Variants in F13A1 observed in about 807,000 individuals in gnomAD.
The protein encoded by F13A1 is coagulation factor XIII A chain, also known as FSF, A subunit.
F13A1 carries 47 observed loss-of-function variants against 80.1 expected under a neutral mutation model. That is an observed-to-expected ratio of 0.59 (90% confidence interval 0.46 to 0.75). The LOEUF is 0.75. Ranked by LOEUF, F13A1 falls within the 30% of genes least tolerant of loss-of-function variation. The pLI, the probability that F13A1 is intolerant of heterozygous loss-of-function variation, is 0.00. For synonymous variants in F13A1, 349 were observed against 344.9 expected, an observed-to-expected ratio of 1.01 and a Z score of -0.13; for missense variants, 817 against 930.4, an observed-to-expected ratio of 0.88 and a Z score of 1.59.
rs1757619617 is a variant in F13A1, at chr6:6,250,732, T to C, written c.690+79A>G. 11 of 924,830 alleles carry C rather than the reference T, an allele frequency of 1.2e-5. No homozygotes were observed. Among genetic ancestry groups the C allele is most frequent in the Non-Finnish European group, 1.6e-5 (9 of 558,666 alleles). The allele number at this position is 924,830 out of a possible 1,614,324, so 57.3% of individuals were successfully genotyped here. A position where few individuals can be genotyped will look rare whatever the true frequency, so the allele number is the denominator to read the frequency against. On this transcript the variant is annotated intron_variant, in intron 5 of 14. Transcript: ENST00000264870. The surrounding 1 kb of genome is among the most constrained non-coding windows in gnomAD (Gnocchi z 4.2). ...ATTGTGCTTGTCTAATATCGATATA[T>C]GGGATCCTGTAGGGATACATGTGAC...
intron 4 of F13A1, among the ~76,000 whole-genome samples, chr6:6,257,721 A>G (rs886474454): frequency 5.9e-5 from 9 of 152,220 alleles, no homozygotes; most frequent in Non-Finnish European, 5.9e-5. Context: ...CGTGCATAGT[A>G]CAACATAGTT....
chr6:6,214,186 A>G (rs1379758257), intron 8 of F13A1, among the ~76,000 whole-genome samples: 216 of 143,892 alleles, frequency 1.5e-3, no homozygotes, highest in Non-Finnish European at 1.6e-3. Context: ...GACCTAATAG[A>G]CATCTACAGA....
intron 3 of F13A1, among the ~76,000 whole-genome samples, chr6:6,267,533 T>G (rs1316723911): frequency 6.6e-6 from 1 of 152,208 alleles, no homozygotes; most frequent in Admixed American, 6.5e-5. Flanking sequence ...GGCTTTGTTT[T>G]TCTCTGGAAC....
intron 13 of F13A1, among the ~76,000 whole-genome samples, chr6:6,165,835 C>T (rs553981709): frequency 4.5e-4 from 69 of 152,392 alleles, no homozygotes; most frequent in Non-Finnish European, 8.1e-4. Flanking sequence ...CAACCCTGCA[C>T]AGCCTCGTTT....
intron 12 of F13A1, among the ~76,000 whole-genome samples, chr6:6,171,451 C>T (rs994912709): frequency 2.0e-5 from 3 of 152,218 alleles, no homozygotes; most frequent in Admixed American, 6.5e-5. Context: ...CCTTCTCTCA[C>T]ACCACATATC....
chr6:6,211,609 C>T, intron 8 of F13A1, among the ~76,000 whole-genome samples: 1 of 152,142 alleles, frequency 6.6e-6, no homozygotes, highest in East Asian at 1.9e-4. Flanking sequence ...TATAAAAGTC[C>T]AACTAGATGA....
chr6:6,231,820 C>A (rs990713499), intron 6 of F13A1, among the ~76,000 whole-genome samples: 5 of 152,058 alleles, frequency 3.3e-5, no homozygotes, highest in Non-Finnish European at 1.5e-5. Flanking sequence ...TTGTATCCAG[C>A]GAAACTAAGC....
intron 6 of F13A1, among the ~76,000 whole-genome samples, chr6:6,248,022 A>G (rs1019464139): frequency 1.3e-5 from 2 of 152,232 alleles, no homozygotes; most frequent in Non-Finnish European, 2.9e-5. Flanking sequence ...ATCACTCCTC[A>G]GTCTCTAGGC....
intron 13 of F13A1, among the ~76,000 whole-genome samples, chr6:6,155,274 T>C (rs35243303): frequency 0.2 from 30,782 of 152,158 alleles, 3,261 homozygotes; most frequent in Middle Eastern, 0.28. Flanking sequence ...GCCCATGCAA[T>C]TGGGCCATCA....
intron 1 of F13A1, 28 bp from the exon 2 acceptor site, chr6:6,318,710 A>G: frequency 5.6e-6 from 9 of 1,594,404 alleles, no homozygotes; most frequent in Non-Finnish European, 7.7e-6. Context: ...AAAGAAGACA[A>G]CAGAAAAGGC....
intron 8 of F13A1, among the ~76,000 whole-genome samples, chr6:6,217,509 A>T (rs943078372): frequency 9.5e-5 from 12 of 125,944 alleles, no homozygotes; most frequent in African/African-American, 3.6e-4. Context: ...AGGGGAACAT[A>T]ACACTCTGCG....
chr6:6,212,648 C>G (rs1761639367), intron 8 of F13A1, among the ~76,000 whole-genome samples: 2 of 152,202 alleles, frequency 1.3e-5, no homozygotes, highest in Non-Finnish European at 2.9e-5. Context: ...GAATGCAGTT[C>G]CTCACCAGCA....
At chr6:6,220,572 TGTG>T (rs1757178413) in intron 8 of F13A1, among the ~76,000 whole-genome samples, 2 of 150,932 alleles carry the variant, frequency 1.3e-5, no homozygotes, top group African/African-American at 4.9e-5. Context: ...TCTGTCTGTG[TGTG>T]TGTGTGTGTG....
At chr6:6,312,594 C>T (rs866431138) in intron 2 of F13A1, among the ~76,000 whole-genome samples, 18 of 141,556 alleles carry the variant, frequency 1.3e-4, no homozygotes, top group Non-Finnish European at 6.1e-5. Flanking sequence ...AGGAGAACCG[C>T]TTGAACCCGG....
intron 4 of F13A1, among the ~76,000 whole-genome samples, chr6:6,266,141 C>T (rs781367309): frequency 6.6e-5 from 10 of 152,140 alleles, no homozygotes; most frequent in South Asian, 2.1e-4. Context: ...CTCTTTCAAT[C>T]ATTAAAGATG....
rs1045473238 is a variant in F13A1, at chr6:6,227,651, T to C, written c.799-2791A>G. On this transcript the variant is annotated intron_variant, in intron 6 of 14. Coordinates refer to ENST00000264870, the MANE Select transcript of F13A1 (RefSeq NM_000129.4). ...CTTTGAACTCACATTATCATTCCCT[T>C]ATCACTGAGACATAAAATAGGCTCT... is the stretch of plus-strand genomic sequence containing the variant. 3.2e-4 allele frequency among the ~76,000 whole-genome samples: 49 copies of C among 152,222 alleles called. 1 individual carries two copies. Among genetic ancestry groups the C allele is most frequent in the African/African-American group, 1.2e-3 (48 of 41,460 alleles).
chr6:6,315,868 A>C (rs970061248), intron 2 of F13A1, among the ~76,000 whole-genome samples: 2 of 151,750 alleles, frequency 1.3e-5, no homozygotes, highest in African/African-American at 4.8e-5. Context: ...CCACTGGGTG[A>C]ACTGCATGAA....
chr6:6,231,810 T>C lies in F13A1; in HGVS notation c.799-6950A>G, dbSNP rs113297395. On this transcript the variant is annotated intron_variant, in intron 6 of 14. Transcript: ENST00000264870. ...ACAAAACAATTATCAGCCAAGAATT[T>C]TGTATCCAGCGAAACTAAGCATCAT... Among the ~76,000 whole-genome samples the C allele has an allele frequency of 5.5e-3, 842 of 152,300 alleles. 7 individuals are homozygous for C. Among genetic ancestry groups the C allele is most frequent in the African/African-American group, 0.019 (803 of 41,550 alleles).
chr6:6,176,464 T>C (rs1381812280), intron 11 of F13A1, among the ~76,000 whole-genome samples: 1 of 152,172 alleles, frequency 6.6e-6, no homozygotes, highest in Non-Finnish European at 1.5e-5. Context: ...TTAGAGGAAG[T>C]AGATATATAA....
Sources: allele counts gnomAD v4.1 joint callset (sites outside exome capture counted in the v4.1 genomes callset), GRCh38; gene constraint gnomAD v4.1.1; non-coding constraint Gnocchi (gnomAD v3.1); transcripts MANE v1.5; gene names NCBI Gene and HGNC (gene_info 2026-07-23, HGNC 2026-07-21).